The following FBXO3 variants were observed in gnomAD, a reference collection of about 807,000 sequenced individuals.
FBXO3 encodes the protein F-box only protein 3.
Under a neutral mutation model 64.8 loss-of-function variants are expected in FBXO3, and 17 were observed. The observed-to-expected ratio is 0.26, with a 90% CI of 0.18 to 0.39. FBXO3 has a LOEUF of 0.39. Ranked by LOEUF, FBXO3 falls within the 10% of genes least tolerant of loss-of-function variation. The probability of loss-of-function intolerance (pLI) is 1.00; values close to 1 mark genes in which losing one functional copy is unlikely to be tolerated. For missense variants in FBXO3, 420 were observed against 589.9 expected (o/e 0.71, Z 2.98); for synonymous variants, 182 against 201.6 (o/e 0.90, Z 0.82).
In FBXO3 at chr11:33,755,941, G is replaced by A. The variant is rs1046569134; in HGVS notation, c.508C>T (p.Arg170Cys). The stretch of plus-strand genomic sequence containing the variant: ...TCGACGTCTAACAAATCTTCAGAAC[G>A]ATAGTGATTAGACAGTGCCATGCTT... The part of the protein sequence containing the change: ...LGSMALSNHY[R>C]SEDLLDVDTA... Residue 170 changes from arginine (R) to cysteine (C), a missense_variant, in exon 5 of 11, where the codon CGT (arginine) becomes TGT (cysteine). This residue lies in a region of FBXO3 where 337 missense variants were observed against 518.4 expected (regional missense o/e 0.65). Transcript: ENST00000265651. 3.7e-6 allele frequency: 6 copies of A among 1,613,980 alleles called. No homozygotes were observed. The highest frequency in any genetic ancestry group is 4.2e-6 in the Non-Finnish European group (5 of 1,180,016).
chr11:33,745,789 T>A (rs954550118), intron 10 of FBXO3: 1 of 152,020 alleles, frequency 6.6e-6, no homozygotes, highest in Non-Finnish European at 1.5e-5. Context: ...ACTGCAGAAA[T>A]CAATGCGATA....
intron 4 of FBXO3, among the ~76,000 whole-genome samples, chr11:33,757,749 GA>G (rs1385895567): frequency 6.8e-6 from 1 of 146,398 alleles, no homozygotes; most frequent in Admixed American, 7.0e-5. Context: ...TTGAGCCCAG[GA>G]ATTCAAGACC....
chr11:33,764,033 T>G (rs1019567566), intron 3 of FBXO3, among the ~76,000 whole-genome samples: 4 of 152,214 alleles, frequency 2.6e-5, no homozygotes, highest in Non-Finnish European at 4.4e-5. Flanking sequence ...TGCCAGATAT[T>G]TACCCAGTAG....
rs1372277083 is a variant in FBXO3, at chr11:33,769,030, A to C, written c.195-16T>G. 1.3e-6 allele frequency: 2 copies of C among 1,581,322 alleles called. No individual in the cohort carries two copies. The highest frequency in any genetic ancestry group is 2.7e-5 in the African/African-American group (2 of 73,012). On this transcript the variant is annotated splice_polypyrimidine_tract_variant and intron_variant, in intron 2 of 10. Transcript: ENST00000265651. The stretch of plus-strand genomic sequence containing the variant: ...TTTCTCTTCCCTAAATAGATGAAAA[A>C]CATGAGATTTTAAATCTTTTAAAAT...
In FBXO3 at chr11:33,761,573, G is replaced by C. The variant is rs80240584; in HGVS notation, c.359-2972C>G. ...AATAAAATGGGGAAAAGATATCTAC[G>C]ATCACAGTGGCTGTAGTTTTCTCCT... On this transcript the variant is annotated intron_variant, in intron 3 of 10. Coordinates refer to ENST00000265651, the MANE Select transcript of FBXO3 (RefSeq NM_012175.4). 3.8e-4 allele frequency among the ~76,000 whole-genome samples: 58 copies of C among 152,202 alleles called. No individual in the cohort carries two copies. In the East Asian group the frequency reaches 0.011, roughly 28 times the overall value.
intron 4 of FBXO3, among the ~76,000 whole-genome samples, chr11:33,757,301 T>A (rs1343458132): frequency 6.6e-6 from 1 of 151,670 alleles, no homozygotes; most frequent in Non-Finnish European, 1.5e-5. Context: ...AAACTGTGGG[T>A]GAGTTTTGAT....
At chr11:33,763,356 AT>A in intron 3 of FBXO3, 4 of 407,530 alleles carry the variant, frequency 9.8e-6, no homozygotes, top group South Asian at 1.8e-5. Context: ...AAAAATTCCA[AT>A]AAAATACTAG....
chr11:33,760,887 A>C (rs968311587), intron 3 of FBXO3, among the ~76,000 whole-genome samples: 1 of 152,254 alleles, frequency 6.6e-6, no homozygotes, highest in African/African-American at 2.4e-5. Flanking sequence ...GGAAGGAATA[A>C]AGGGCAACCA....
At chr11:33,774,078 T>C in intron 1 of FBXO3, 1 of 291,598 alleles carries the variant, frequency 3.4e-6, no homozygotes, top group Non-Finnish European at 6.6e-6. Flanking sequence ...CCAGCGGGGG[T>C]CCGCGGAGCG....
chr11:33,747,827 T>A (rs1854855710), intron 9 of FBXO3, among the ~76,000 whole-genome samples: 2 of 151,042 alleles, frequency 1.3e-5, no homozygotes, highest in South Asian at 2.1e-4. Flanking sequence ...AACATTTTTT[T>A]AATGTATTCC....
chr11:33,756,276 T>C (rs1333612859), intron 4 of FBXO3, among the ~76,000 whole-genome samples: 1 of 152,224 alleles, frequency 6.6e-6, no homozygotes, highest in Non-Finnish European at 1.5e-5. Flanking sequence ...ATTGATTTGC[T>C]GGTGTTTTGC....
intron 8 of FBXO3, among the ~76,000 whole-genome samples, chr11:33,749,676 TTGACTC>T (rs1391420146): frequency 6.6e-5 from 10 of 152,318 alleles, no homozygotes; most frequent in Non-Finnish European, 1.3e-4. Flanking sequence ...GGATTACACT[TTGACTC>T]TGTTTCCCAA....
intron 3 of FBXO3, 22 bp from the exon 4 acceptor site, chr11:33,758,623 T>C: frequency 6.6e-7 from 1 of 1,519,592 alleles, no homozygotes; most frequent in Non-Finnish European, 9.0e-7. Flanking sequence ...CAAAAAAGAG[T>C]GAATTGTGAA....
chr11:33,741,761 G>T lies in FBXO3; in HGVS notation c.*147C>A. 1 of 671,246 alleles carries T rather than the reference G, an allele frequency of 1.5e-6. No homozygotes were observed. The highest frequency in any genetic ancestry group is 2.2e-6 in the Non-Finnish European group (1 of 456,382). The allele number at this position is 671,246 out of a possible 1,614,324, so 41.6% of individuals were successfully genotyped here. On this transcript the variant is annotated 3_prime_UTR_variant, in exon 11 of 11. Coordinates refer to ENST00000265651, the MANE Select transcript of FBXO3 (RefSeq NM_012175.4). ...AAACCCAAACAATCCAATTCCTAAT[G>T]TAGTGTCACATAGAACCCAGGGCCT...
chr11:33,762,914 T>C (rs1332621403), intron 3 of FBXO3, among the ~76,000 whole-genome samples: 1 of 151,994 alleles, frequency 6.6e-6, no homozygotes, highest in African/African-American at 2.4e-5. Flanking sequence ...ATAATTAATA[T>C]TAGAAATGGA....
At chr11:33,755,647 G>T in intron 5 of FBXO3, 124 bp downstream of exon 5, 1 of 711,894 alleles carries the variant, frequency 1.4e-6, no homozygotes, top group Non-Finnish European at 2.5e-6. Context: ...TAGTTAGAGA[G>T]GTCTATAACT....
Position 33,743,946 on chromosome 11 carries a change from G to A in FBXO3, c.1240-1862C>T, listed in dbSNP as rs530631853. The A allele has an allele frequency of 4.5e-4, 69 of 152,296 alleles. 1 individual carries two copies. Among genetic ancestry groups the A allele is most frequent in the African/African-American group, 1.6e-3 (68 of 41,568 alleles). 9.4% of individuals were successfully genotyped at this position (152,296 alleles called of 1,614,324 possible). On this transcript the variant is annotated intron_variant, in intron 10 of 10. Coordinates refer to ENST00000265651, the MANE Select transcript of FBXO3 (RefSeq NM_012175.4). The surrounding 1 kb of genome is among the most constrained non-coding windows in gnomAD (Gnocchi z 4.6). The stretch of plus-strand genomic sequence containing the variant: ...ATGTAAATTCCAAGGCAGGGAATTT[G>A]ATTATATTGTTAATCACAGTGCTCA...
At chr11:33,742,187 C>T (rs528698415) in intron 10 of FBXO3, 103 bp from the exon 11 acceptor site, 1 of 1,105,116 alleles carries the variant, frequency 9.0e-7, no homozygotes, top group East Asian at 2.6e-5. Flanking sequence ...CCAGACACGC[C>T]AAATATGAAT....
intron 3 of FBXO3, among the ~76,000 whole-genome samples, chr11:33,766,661 T>C (rs962264230): frequency 1.3e-5 from 2 of 152,234 alleles, no homozygotes; most frequent in African/African-American, 4.8e-5. Context: ...AGATGCTCCA[T>C]AAAAATTTCT....
Sources: allele counts gnomAD v4.1 joint callset (sites outside exome capture counted in the v4.1 genomes callset), GRCh38; gene constraint gnomAD v4.1.1; regional missense constraint gnomAD v4.1.1; non-coding constraint Gnocchi (gnomAD v3.1); transcripts MANE v1.5; gene names NCBI Gene and HGNC (gene_info 2026-07-23, HGNC 2026-07-21).